Variants in ADARB2 observed in about 807,000 individuals in gnomAD.
ADARB2 encodes the protein inactive double-stranded RNA-specific editase B2.
ADARB2 carries 25 observed loss-of-function variants against 62.2 expected under a neutral mutation model. The ratio of observed to expected loss-of-function variants is 0.40; its 90% CI spans 0.29 to 0.56. The LOEUF (loss-of-function observed/expected upper bound fraction) is 0.56, where lower values mean the gene tolerates loss of function less well. Ranked by LOEUF, ADARB2 falls within the 20% of genes least tolerant of loss-of-function variation. ADARB2 has a pLI of 0.43. For synonymous variants in ADARB2, 572 were observed against 500.8 expected, an observed-to-expected ratio of 1.14 and a Z score of -1.90; for missense variants, 1,071 against 1,077.4, an observed-to-expected ratio of 0.99 and a Z score of 0.08.
intron 3 of ADARB2, among the ~76,000 whole-genome samples, chr10:1,310,990 G>A (rs1831684929): frequency 6.6e-6 from 1 of 152,210 alleles, no homozygotes; most frequent in African/African-American, 2.4e-5. Context: ...TTCACATGAT[G>A]TTGCCACTGG....
At chr10:1,493,943 A>G (rs939106903) in intron 1 of ADARB2, among the ~76,000 whole-genome samples, 5 of 151,260 alleles carry the variant, frequency 3.3e-5, no homozygotes, top group Admixed American at 6.6e-5. Context: ...TTTAGTAGAG[A>G]TGGGGTTTCT....
At position 1,327,506 on chromosome 10, in the gene ADARB2, CCAGCGCCTCCCCATGGCA is replaced by C. The variant is rs1564258453; in HGVS notation, c.1077+35504_1077+35521del. ...TCACTGCACAGCGCCTCCTCACTGCCCAGCGCCTCCCCATGGCACAGCGCCTCCTCACTGCCCAGCGCC... is the reference window on the plus strand; with the variant it reads ...TCACTGCACAGCGCCTCCTCACTGCCCAGCGCCTCCTCACTGCCCAGCGCC... On this transcript the variant is annotated intron_variant, in intron 3 of 9. Transcript: ENST00000381312. Among the ~76,000 whole-genome samples the C allele has an allele frequency of 3.9e-3, 93 of 24,116 alleles. 18 individuals are homozygous for C. Among genetic ancestry groups the C allele is most frequent in the African/African-American group, 0.016 (81 of 5,214 alleles). The allele number at this position is 24,116 out of a possible 152,430, so 15.8% of individuals were successfully genotyped here.
At chr10:1,579,177 C>T (rs889759422) in intron 1 of ADARB2, among the ~76,000 whole-genome samples, 1 of 152,162 alleles carries the variant, frequency 6.6e-6, no homozygotes, top group East Asian at 1.9e-4. Context: ...AGATGCTCAG[C>T]GGTCACAGAC....
chr10:1,501,690 CA>C (rs35934800), intron 1 of ADARB2, among the ~76,000 whole-genome samples: 3 of 152,172 alleles, frequency 2.0e-5, no homozygotes, highest in African/African-American at 7.2e-5. Flanking sequence ...TGTTTTGATC[CA>C]AGGGTAAAAT....
chr10:1,533,207 C>T (rs1187483907), intron 1 of ADARB2, among the ~76,000 whole-genome samples: 1 of 151,896 alleles, frequency 6.6e-6, no homozygotes, highest in African/African-American at 2.4e-5. Flanking sequence ...CAACCTCTGC[C>T]TCCCTGGTTC....
At chr10:1,670,872 G>T (rs1163679506) in intron 1 of ADARB2, among the ~76,000 whole-genome samples, 1 of 152,104 alleles carries the variant, frequency 6.6e-6, no homozygotes, top group Non-Finnish European at 1.5e-5. Flanking sequence ...TGGCAAAAAC[G>T]CTTCCAGACA....
At chr10:1,392,393 C>T (rs777746321) in intron 1 of ADARB2, among the ~76,000 whole-genome samples, 1 of 152,166 alleles carries the variant, frequency 6.6e-6, no homozygotes, top group African/African-American at 2.4e-5. Context: ...TGACAGATGG[C>T]CTCCCTCAGG....
chr10:1,598,793 G>A (rs1416813830), intron 1 of ADARB2, among the ~76,000 whole-genome samples: 1 of 152,256 alleles, frequency 6.6e-6, no homozygotes, highest in African/African-American at 2.4e-5. Flanking sequence ...CCTCTGGTCA[G>A]GAGGCAGACT....
chr10:1,205,751 G>A (rs1837047814), intron 7 of ADARB2, among the ~76,000 whole-genome samples: 1 of 152,268 alleles, frequency 6.6e-6, no homozygotes, highest in Admixed American at 6.5e-5. Context: ...CAAGAGGAGC[G>A]GATTCCTGTC....
At chr10:1,222,796 C>G (rs1239618955) in intron 6 of ADARB2, among the ~76,000 whole-genome samples, 1 of 149,614 alleles carries the variant, frequency 6.7e-6, no homozygotes, top group African/African-American at 2.6e-5. Flanking sequence ...GGTACCAGTA[C>G]CATGCTGTTT....
intron 1 of ADARB2, among the ~76,000 whole-genome samples, chr10:1,556,366 T>C (rs775840221): frequency 2.6e-5 from 4 of 152,118 alleles, no homozygotes; most frequent in Non-Finnish European, 5.9e-5. Flanking sequence ...ATCTTGGATT[T>C]GTGTTTCCAC....
At chr10:1,354,294 T>C (rs11250446) in intron 3 of ADARB2, among the ~76,000 whole-genome samples, 10,615 of 152,214 alleles carry the variant, frequency 0.07, 420 homozygotes, top group African/African-American at 0.12. Flanking sequence ...CTGGCCGGTT[T>C]CTGCCTTAAC....
chr10:1,465,790 C>T (rs768384579), intron 1 of ADARB2, among the ~76,000 whole-genome samples: 8 of 152,230 alleles, frequency 5.3e-5, no homozygotes, highest in Non-Finnish European at 1.2e-4. Flanking sequence ...CTCCCACCCC[C>T]GCCCGAAGAG....
intron 5 of ADARB2, among the ~76,000 whole-genome samples, chr10:1,234,813 A>T (rs1029418165): frequency 1.6e-5 from 2 of 123,980 alleles, no homozygotes; most frequent in Non-Finnish European, 3.1e-5. Flanking sequence ...CAGTGGTGCA[A>T]TCTTGGCTCA....
chr10:1,526,800 G>C (rs1342629625), intron 1 of ADARB2: 1 of 510,684 alleles, frequency 2.0e-6, no homozygotes, highest in Non-Finnish European at 4.1e-6. Flanking sequence ...GCCTCCTCCT[G>C]GCACCTCCCT....
At chr10:1,261,321 A>T (rs1360272858) in intron 4 of ADARB2, among the ~76,000 whole-genome samples, 3 of 149,838 alleles carry the variant, frequency 2.0e-5, no homozygotes, top group Admixed American at 6.6e-5. Flanking sequence ...ATTAAACTAA[A>T]GAGCTTCTGC....
At chr10:1,354,343 TCCTGGCTCAA>T (rs1253813990) in intron 3 of ADARB2, among the ~76,000 whole-genome samples, 1 of 152,176 alleles carries the variant, frequency 6.6e-6, no homozygotes, top group East Asian at 1.9e-4. Flanking sequence ...TCCTGGCTCA[TCCTGGCTCAA>T]AAGCTCCCCT....
chr10:1,332,758 TTA>T (rs1435333518), intron 3 of ADARB2, among the ~76,000 whole-genome samples: 3 of 152,212 alleles, frequency 2.0e-5, no homozygotes, highest in Non-Finnish European at 4.4e-5. Flanking sequence ...GTTAATTTGA[TTA>T]ATTCAGATGA....
At chr10:1,223,619 G>C (rs1238939151) in intron 6 of ADARB2, among the ~76,000 whole-genome samples, 2 of 152,132 alleles carry the variant, frequency 1.3e-5, no homozygotes, top group African/African-American at 4.8e-5. Flanking sequence ...TTTATTGAGA[G>C]TTTTTACCAT....
Sources: allele counts gnomAD v4.1 joint callset (sites outside exome capture counted in the v4.1 genomes callset), GRCh38; gene constraint gnomAD v4.1.1; transcripts MANE v1.5; gene names NCBI Gene and HGNC (gene_info 2026-07-23, HGNC 2026-07-21).